BRCA2: variants seen among roughly 807,000 people sequenced by gnomAD.
BRCA2 encodes BRCA2 DNA repair associated.
Under a neutral mutation model 276.7 loss-of-function variants are expected in BRCA2, and 203 were observed. The ratio of observed to expected loss-of-function variants is 0.73; its 90% CI spans 0.65 to 0.82. The LOEUF is 0.82. Ranked by LOEUF, BRCA2 falls within the 40% of genes least tolerant of loss-of-function variation. The probability of loss-of-function intolerance (pLI) is 0.00; values close to 1 mark genes in which losing one functional copy is unlikely to be tolerated. For missense variants in BRCA2, 3,920 were observed against 3,915.0 expected (o/e 1.00, Z -0.03); for synonymous variants, 1,289 against 1,338.4 (o/e 0.96, Z 0.81).
intron 24 of BRCA2, among the ~76,000 whole-genome samples, chr13:32,387,995 C>A (rs1056804150): frequency 3.3e-5 from 5 of 152,124 alleles, no homozygotes; most frequent in African/African-American, 9.7e-5. Context: ...GGTAGTGGTC[C>A]CCTGGGTCCA....
rs2137583209 is a variant in BRCA2 at position 32,363,550 on chromosome 13, T to A, written c.8331+17T>A. On this transcript the variant is annotated intron_variant, in intron 18 of 26. Coordinates refer to ENST00000380152, the MANE Select transcript of BRCA2 (RefSeq NM_000059.4). ...ATGTTAAAGGTAAATTAATTTGCAC[T>A]CTTGGTAAAAATCAGTCATTGATTC... The A allele has an allele frequency of 6.2e-7, 1 of 1,600,962 alleles. No individual in the cohort carries two copies. The highest frequency in any genetic ancestry group is 8.6e-7 in the Non-Finnish European group (1 of 1,168,410).
At chr13:32,378,510 A>G (rs185373355) in intron 21 of BRCA2, among the ~76,000 whole-genome samples, 1 of 152,308 alleles carries the variant, frequency 6.6e-6, no homozygotes, top group East Asian at 1.9e-4. Context: ...CTGCCTGCAT[A>G]TTTAGAATCT....
At position 32,339,592 on chromosome 13, in the gene BRCA2, C is replaced by CT. The variant is rs80359499; in HGVS notation, c.5238dup (p.Asn1747Ter). ...ACTTATTTAAGTAACAGTAGCATGT[C>CT]TAACAGCTATTCCTACCATTCTGAT... On this transcript the variant is annotated frameshift_variant, in exon 11 of 27. Coordinates refer to ENST00000380152, the MANE Select transcript of BRCA2 (RefSeq NM_000059.4). LOFTEE classifies it high-confidence loss of function. 1.9e-6 allele frequency: 3 copies of CT among 1,610,822 alleles called. No individual in the cohort carries two copies. Among genetic ancestry groups the CT allele is most frequent in the Non-Finnish European group, 2.5e-6 (3 of 1,177,880 alleles).
chr13:32,330,948 T>C lies in BRCA2; in HGVS notation c.711T>C (p.Asp237=), dbSNP rs2137461323. The change falls in exon 9 of 27, where the codon GAT becomes GAC. Residue 237 remains aspartate, a synonymous_variant. Transcript: ENST00000380152. Reference sequence around the variant, plus strand: ...TGAAAAGCTATTTTTCCAATCATGATGAAAGTCTGAAGAAAAATGATAGAT... The same window carrying C: ...TGAAAAGCTATTTTTCCAATCATGACGAAAGTCTGAAGAAAAATGATAGAT... ...ANVKSYFSNH[D]ESLKKNDRFI... is the part of the protein sequence containing the mutation. 1.2e-6 allele frequency: 2 copies of C among 1,612,968 alleles called. No homozygotes were observed. The highest frequency in any genetic ancestry group is 1.7e-6 in the Non-Finnish European group (2 of 1,179,180).
chr13:32,356,234 TA>T (rs2072693302), intron 14 of BRCA2, among the ~76,000 whole-genome samples, 193 bp from the exon 15 acceptor site: 1 of 151,632 alleles, frequency 6.6e-6, no homozygotes, highest in East Asian at 2.0e-4. Context: ...TACTTTTATA[TA>T]TTTTTTTTTT....
At chr13:32,331,196 C>T (rs1424754792) in intron 9 of BRCA2, among the ~76,000 whole-genome samples, 166 bp downstream of exon 9, 2 of 151,936 alleles carry the variant, frequency 1.3e-5, no homozygotes, top group South Asian at 2.1e-4. Flanking sequence ...GCTGAGATTA[C>T]AAGCATGCAC....
intron 15 of BRCA2, among the ~76,000 whole-genome samples, chr13:32,357,174 T>A (rs1182076335): frequency 6.6e-6 from 1 of 152,172 alleles, no homozygotes; most frequent in Non-Finnish European, 1.5e-5. Context: ...ATTTTGCAAA[T>A]GAGAGAACTG....
In BRCA2 at chr13:32,364,208, C is replaced by T. The variant is rs191494103; in HGVS notation, c.8331+675C>T. On this transcript the variant is annotated intron_variant, in intron 18 of 26. Coordinates refer to ENST00000380152, the MANE Select transcript of BRCA2 (RefSeq NM_000059.4). The stretch of plus-strand genomic sequence containing the variant: ...GTTTTATGTTGCTTAGAACATCAAG[C>T]TTGCAGTGGCTTTCATTTTCTTGTT... Among the ~76,000 whole-genome samples the T allele has an allele frequency of 1.1e-3, 169 of 152,164 alleles. 2 individuals are homozygous for T. The highest frequency in any genetic ancestry group is 1.5e-4 in the Non-Finnish European group (10 of 68,014).
rs61946965 is a variant in BRCA2, at chr13:32,353,471, A to G, written c.7008-1390A>G. Among the ~76,000 whole-genome samples, 1 of 151,998 alleles carries G rather than the reference A, an allele frequency of 6.6e-6. No homozygotes were observed. The highest frequency in any genetic ancestry group is 1.5e-5 in the Non-Finnish European group (1 of 68,000). On this transcript the variant is annotated intron_variant, in intron 13 of 26. Transcript: ENST00000380152. ...TGTGCCATCTCAGAGTAGAGACTAA[A>G]AGCCCTTGTCATGGTGTACAGATTC...
At position 32,363,335 on chromosome 13, in the gene BRCA2, A is replaced by G. The variant is rs747291038; in HGVS notation, c.8133A>G (p.Ala2711=). The change falls in exon 18 of 27, where the codon GCA becomes GCG. Residue 2711 remains alanine, a synonymous_variant. Coordinates refer to ENST00000380152, the MANE Select transcript of BRCA2 (RefSeq NM_000059.4). The part of the protein sequence containing the change: ...SETSSNKTSS[A]DTQKVAIIEL... ...CTTCTAGCAATAAAACTAGTAGTGC[A>G]GATACCCAAAAAGTGGCCATTATTG... 6.2e-7 allele frequency: 1 copy of G among 1,614,092 alleles called. No homozygotes were observed. The highest frequency in any genetic ancestry group is 8.5e-7 in the Non-Finnish European group (1 of 1,180,032).
At chr13:32,380,761 A>C (rs1213334973) in intron 24 of BRCA2, among the ~76,000 whole-genome samples, 1 of 151,726 alleles carries the variant, frequency 6.6e-6, no homozygotes. Flanking sequence ...AGGATAGTCT[A>C]AATCTCCTGA....
intron 18 of BRCA2, among the ~76,000 whole-genome samples, chr13:32,365,721 C>CTTTTTTTTTTTTTTTTT (rs36116910): frequency 9.4e-6 from 1 of 105,882 alleles, no homozygotes; most frequent in Non-Finnish European, 1.9e-5. Context: ...ACTTTGGTGT[C>CTTTTTTTTTTTTTTTTT]TTTTTTTTTT....
rs1293441825 is a variant in BRCA2 at position 32,399,297 on chromosome 13, C to CT, written c.*531dup. On this transcript the variant is annotated 3_prime_UTR_variant, in exon 27 of 27. Coordinates refer to ENST00000380152, the MANE Select transcript of BRCA2 (RefSeq NM_000059.4). ...ACAGTTATTTTGATGCAGATAATTC[C>CT]TTTTAGTTTAGCTACTATTTTAGGG... 3 of 198,068 alleles carry CT rather than the reference C, an allele frequency of 1.5e-5. No homozygotes were observed. The highest frequency in any genetic ancestry group is 6.9e-5 in the African/African-American group (3 of 43,386). 12.3% of individuals were successfully genotyped at this position (198,068 alleles called of 1,614,324 possible).
chr13:32,372,686 G>T (rs1459381779), intron 20 of BRCA2, among the ~76,000 whole-genome samples: 1 of 152,084 alleles, frequency 6.6e-6, no homozygotes, highest in East Asian at 1.9e-4. Flanking sequence ...ATATCATTCT[G>T]CCCTGGACCC....
In BRCA2 at chr13:32,337,280, CT is replaced by C. The variant is rs1281449657; in HGVS notation, c.2926del (p.Ser976ProfsTer2). On this transcript the variant is annotated frameshift_variant, in exon 11 of 27. Coordinates refer to ENST00000380152, the MANE Select transcript of BRCA2 (RefSeq NM_000059.4). LOFTEE classifies it high-confidence loss of function. ...TAGGTCAAGATTTAAAATCGGACAT[CT>C]CCTTGAATATAGATAAAATACCAGA... ...TLGQDLKSDISLNIDKIPEKN... is the reference protein window; with the variant it reads ...TLGQDLKSDIXLNIDKIPEKN... The C allele has an allele frequency of 6.2e-7, 1 of 1,611,928 alleles. No homozygotes were observed. The highest frequency in any genetic ancestry group is 1.1e-5 in the South Asian group (1 of 90,508).
At chr13:32,346,590 C>T (rs915507675) in intron 12 of BRCA2, among the ~76,000 whole-genome samples, 1 of 152,048 alleles carries the variant, frequency 6.6e-6, no homozygotes, top group Non-Finnish European at 1.5e-5. Context: ...TGGTTAACAT[C>T]AACTGACTAA....
At chr13:32,385,762 CA>C in intron 24 of BRCA2, 1 of 182,636 alleles carries the variant, frequency 5.5e-6, no homozygotes. Context: ...AGACACTTTT[CA>C]AAAAGTGTTG....
chr13:32,397,167 A>G (rs1360389201), intron 26 of BRCA2, 123 bp downstream of exon 26: 4 of 1,126,104 alleles, frequency 3.6e-6, no homozygotes, highest in Non-Finnish European at 5.2e-6. Context: ...TGTGGTTGTT[A>G]TGTGGCTCCT....
intron 24 of BRCA2, among the ~76,000 whole-genome samples, chr13:32,393,056 A>G (rs913159773): frequency 2.0e-5 from 3 of 152,220 alleles, no homozygotes; most frequent in Non-Finnish European, 4.4e-5. Flanking sequence ...TGGCAAGACT[A>G]CCACTGAAGT....
Sources: allele counts gnomAD v4.1 joint callset (sites outside exome capture counted in the v4.1 genomes callset), GRCh38; gene constraint gnomAD v4.1.1; transcripts MANE v1.5; gene names NCBI Gene and HGNC (gene_info 2026-07-23, HGNC 2026-07-21).